Variants in ACSL3 observed in about 807,000 individuals in gnomAD.
ACSL3 encodes the protein fatty acid CoA ligase Acsl3.
Under a neutral mutation model 84.7 loss-of-function variants are expected in ACSL3, and 34 were observed. The observed-to-expected ratio is 0.40, with a 90% CI of 0.31 to 0.53. ACSL3 has a LOEUF of 0.53. Among genes scored for constraint, ACSL3 ranks in the 20% least tolerant of loss-of-function variants. ACSL3 has a pLI of 0.48. For synonymous variants in ACSL3, 315 were observed against 299.4 expected (o/e 1.05, Z -0.54); for missense variants, 680 against 873.1 (o/e 0.78, Z 2.79).
intron 15 of ACSL3, among the ~76,000 whole-genome samples, chr2:222,933,949 A>G (rs1236735840): frequency 6.6e-6 from 1 of 152,216 alleles, no homozygotes; most frequent in Non-Finnish European, 1.5e-5. Flanking sequence ...TTTAGTGATG[A>G]TACAGATCTG....
At chr2:222,923,730 C>G (rs1335461721) in intron 10 of ACSL3, among the ~76,000 whole-genome samples, 1 of 152,136 alleles carries the variant, frequency 6.6e-6, no homozygotes, top group African/African-American at 2.4e-5. Context: ...TTGTCGGGTA[C>G]CTAAATGCTT....
intron 3 of ACSL3, among the ~76,000 whole-genome samples, chr2:222,901,164 ACTGT>A (rs1696137063): frequency 2.0e-5 from 3 of 152,168 alleles, no homozygotes; most frequent in Non-Finnish European, 4.4e-5. Context: ...TCTACCTTTT[ACTGT>A]ACTCTTCCTG....
chr2:222,930,854 A>G, intron 14 of ACSL3, 42 bp downstream of exon 14: 1 of 1,531,092 alleles, frequency 6.5e-7, no homozygotes, highest in Non-Finnish European at 8.9e-7. Context: ...TGTTTCTGAA[A>G]TAGTTTACAC....
chr2:222,866,695 T>A (rs1356316045), intron 1 of ACSL3, among the ~76,000 whole-genome samples: 1 of 89,856 alleles, frequency 1.1e-5, no homozygotes, highest in African/African-American at 4.1e-5. Context: ...GGGGCAGTTT[T>A]ATGTCTGTTT....
intron 11 of ACSL3, 28 bp from the exon 12 acceptor site, chr2:222,926,989 C>T (rs1472841266): frequency 1.2e-6 from 2 of 1,604,002 alleles, no homozygotes; most frequent in South Asian, 2.2e-5. Context: ...GTTTTAAAAT[C>T]CTGTGGTTCT....
At chr2:222,869,200 G>T (rs1695234427) in intron 1 of ACSL3, among the ~76,000 whole-genome samples, 1 of 152,114 alleles carries the variant, frequency 6.6e-6, no homozygotes, top group East Asian at 1.9e-4. Context: ...AGGAACCATT[G>T]CCATCCATGT....
At chr2:222,899,335 C>T (rs555551098) in intron 2 of ACSL3, among the ~76,000 whole-genome samples, 1 of 152,000 alleles carries the variant, frequency 6.6e-6, no homozygotes, top group East Asian at 1.9e-4. Flanking sequence ...ATTAGCTGGG[C>T]GTGGTGGCAG....
At chr2:222,937,476 T>TA (rs1697204297) in intron 16 of ACSL3, among the ~76,000 whole-genome samples, 1 of 152,186 alleles carries the variant, frequency 6.6e-6, no homozygotes, top group South Asian at 2.1e-4. Context: ...TTCATATATT[T>TA]AGAAACACTC....
chr2:222,889,524 T>G (rs1436654093), intron 2 of ACSL3, among the ~76,000 whole-genome samples: 2 of 152,212 alleles, frequency 1.3e-5, no homozygotes, highest in African/African-American at 2.4e-5. Context: ...ATTTAAGAGA[T>G]AATGTAAAAA....
In ACSL3 at chr2:222,916,502, T is replaced by C. The variant is rs772390267; in HGVS notation, c.556+6T>C. ...TTTTATGTATAATTTTCAGCGTATG[T>C]AGACTTTCTTATCTTCTGGAAGAAT... On this transcript the variant is annotated splice_donor_region_variant and intron_variant, in intron 5 of 16. Coordinates refer to ENST00000357430, the MANE Select transcript of ACSL3 (RefSeq NM_004457.5). 1.9e-6 allele frequency: 3 copies of C among 1,562,410 alleles called. No homozygotes were observed. Among genetic ancestry groups the C allele is most frequent in the African/African-American group, 2.7e-5 (2 of 73,350 alleles).
chr2:222,891,356 A>C (rs1695841277), intron 2 of ACSL3, among the ~76,000 whole-genome samples: 1 of 152,188 alleles, frequency 6.6e-6, no homozygotes, highest in Admixed American at 6.5e-5. Context: ...AGATTTAGTG[A>C]CCTGCTCAAG....
chr2:222,868,844 C>T (rs1365529188), intron 1 of ACSL3, among the ~76,000 whole-genome samples: 3 of 151,936 alleles, frequency 2.0e-5, no homozygotes, highest in East Asian at 1.9e-4. Flanking sequence ...GTAGCGGGTG[C>T]CTGTAATCCC....
At chr2:222,869,229 A>C (rs1193633727) in intron 1 of ACSL3, among the ~76,000 whole-genome samples, 1 of 152,214 alleles carries the variant, frequency 6.6e-6, no homozygotes, top group African/African-American at 2.4e-5. Flanking sequence ...CTTCATAGGT[A>C]AATTTGAGCG....
intron 2 of ACSL3, among the ~76,000 whole-genome samples, chr2:222,896,873 G>A: frequency 5.5e-5 from 1 of 18,058 alleles, no homozygotes; most frequent in Non-Finnish European, 8.5e-5. Flanking sequence ...GGCCGGGCGG[G>A]GGGCCGACAT....
In ACSL3 at chr2:222,942,233, T is replaced by A. The variant is rs531507941; in HGVS notation, c.*579T>A. 20 of 188,728 alleles carry A rather than the reference T, an allele frequency of 1.1e-4. 1 individual carries two copies. Among genetic ancestry groups the A allele is most frequent in the Middle Eastern group, 1.8e-3 (1 of 542 alleles). 11.7% of individuals were successfully genotyped at this position (188,728 alleles called of 1,614,324 possible). On this transcript the variant is annotated 3_prime_UTR_variant, in exon 17 of 17. Transcript: ENST00000357430. The stretch of plus-strand genomic sequence containing the variant: ...CTTATGTTTTAAGAAGTTGAGATCT[T>A]GTGAATATATGCCTGTCAGTGTCTT...
chr2:222,933,356 T>G, intron 15 of ACSL3, 76 bp downstream of exon 15: 1 of 1,029,034 alleles, frequency 9.7e-7, no homozygotes, highest in South Asian at 1.6e-5. Flanking sequence ...GTATGGACCT[T>G]CTTTGTAAAA....
intron 1 of ACSL3, among the ~76,000 whole-genome samples, chr2:222,878,027 A>G (rs1177297371): frequency 6.6e-6 from 1 of 152,202 alleles, no homozygotes; most frequent in Non-Finnish European, 1.5e-5. Context: ...TTCCACTAGA[A>G]AGAAAGATAC....
At position 222,929,892 on chromosome 2, in the gene ACSL3, A is replaced by G. The variant is rs903352365; in HGVS notation, c.1541-729A>G. Among the ~76,000 whole-genome samples the G allele has an allele frequency of 3.1e-4, 46 of 149,784 alleles. 1 individual carries two copies. Among genetic ancestry groups the G allele is most frequent in the Admixed American group, 1.9e-3 (28 of 14,996 alleles). ...GCTTGGAGTCATTTTGAAATTATCT[A>G]TAAGAATAAATCTTAATATGTAGTA... On this transcript the variant is annotated intron_variant, in intron 13 of 16. Coordinates refer to ENST00000357430, the MANE Select transcript of ACSL3 (RefSeq NM_004457.5).
intron 4 of ACSL3, among the ~76,000 whole-genome samples, chr2:222,911,602 T>A (rs1429919907): frequency 6.6e-6 from 1 of 152,260 alleles, no homozygotes; most frequent in Non-Finnish European, 1.5e-5. Context: ...CATATTTTAT[T>A]CATTTTAATG....
Sources: allele counts gnomAD v4.1 joint callset (sites outside exome capture counted in the v4.1 genomes callset), GRCh38; gene constraint gnomAD v4.1.1; transcripts MANE v1.5; gene names NCBI Gene and HGNC (gene_info 2026-07-23, HGNC 2026-07-21).